MMRN1: variants seen among roughly 807,000 people sequenced by gnomAD.
MMRN1 encodes the protein multimerin-1.
In MMRN1, 94 loss-of-function variants were observed where a neutral mutation model predicts 100.7. The ratio of observed to expected loss-of-function variants is 0.93; its 90% CI spans 0.79 to 1.11. The LOEUF (loss-of-function observed/expected upper bound fraction) is 1.11, where lower values mean the gene tolerates loss of function less well. MMRN1 is among the 50% of genes least tolerant of loss of function. The pLI, the probability that MMRN1 is intolerant of heterozygous loss-of-function variation, is 0.00. For missense variants in MMRN1, 1,606 were observed against 1,439.1 expected, an observed-to-expected ratio of 1.12 and a Z score of -1.88; for synonymous variants, 575 against 505.0, an observed-to-expected ratio of 1.14 and a Z score of -1.86.
Position 89,936,072 on chromosome 4 carries a change from T to C in MMRN1, c.2392T>C (p.Phe798Leu). 1.2e-6 allele frequency: 2 copies of C among 1,611,852 alleles called. No homozygotes were observed. Among genetic ancestry groups the C allele is most frequent in the Non-Finnish European group, 1.7e-6 (2 of 1,179,306 alleles). Residue 798 changes from phenylalanine to leucine, a missense_variant, in exon 6 of 8, where the codon TTT becomes CTT. By Grantham distance (22) the Phe-to-Leu change is conservative. Transcript: ENST00000264790. Reference protein sequence around the residue: ...TLVNDNQRYNFVLQVAKTLAG... With the variant: ...TLVNDNQRYNLVLQVAKTLAG... ...GGTCAATGACAATCAGAGATATAACTTTGTTTTGCAAGTCGCCAAGACCCT... is the reference window on the plus strand; with the variant it reads ...GGTCAATGACAATCAGAGATATAACCTTGTTTTGCAAGTCGCCAAGACCCT...
At chr4:89,895,651 C>A in intron 1 of MMRN1, 57 bp downstream of exon 1, 1 of 1,491,972 alleles carries the variant, frequency 6.7e-7, no homozygotes, top group Non-Finnish European at 8.9e-7. Context: ...TAGAAGATTG[C>A]AAGTGAAATT....
Position 89,935,479 on chromosome 4 carries a change from G to A in MMRN1, c.1799G>A (p.Arg600Lys). The part of the protein sequence containing the change: ...GECEDMLSKC[R>K]NDFKFQLKDT... Reference sequence around the variant, plus strand: ...TGTGAAGACATGTTATCCAAATGCAGAAATGATTTTAAATTTCAACTTAAG... The same window carrying A: ...TGTGAAGACATGTTATCCAAATGCAAAAATGATTTTAAATTTCAACTTAAG... Residue 600 changes from arginine to lysine, a missense_variant, in exon 6 of 8, where the codon AGA becomes AAA. Arg to Lys is a conservative substitution (Grantham distance 26, BLOSUM62 2). Coordinates refer to ENST00000264790, the MANE Select transcript of MMRN1 (RefSeq NM_007351.3). The A allele has an allele frequency of 6.2e-7, 1 of 1,613,504 alleles. No individual in the cohort carries two copies.
intron 1 of MMRN1, among the ~76,000 whole-genome samples, chr4:89,901,773 C>A (rs1721395507): frequency 6.6e-6 from 1 of 152,002 alleles, no homozygotes; most frequent in South Asian, 2.1e-4. Flanking sequence ...GCTGTTTCTA[C>A]TCTGTTACTA....
At chr4:89,946,194 T>C (rs952363821) in intron 6 of MMRN1, among the ~76,000 whole-genome samples, 1 of 152,140 alleles carries the variant, frequency 6.6e-6, no homozygotes, top group African/African-American at 2.4e-5. Context: ...AGCATTGGAA[T>C]CAGGATGAAA....
intron 7 of MMRN1, among the ~76,000 whole-genome samples, chr4:89,952,526 A>C (rs550437400): frequency 4.6e-5 from 7 of 152,334 alleles, no homozygotes; most frequent in Non-Finnish European, 7.4e-5. Flanking sequence ...ACTTTGCTGC[A>C]GTGAATATGA....
intron 1 of MMRN1, among the ~76,000 whole-genome samples, chr4:89,899,649 C>T (rs762101810): frequency 2.6e-5 from 4 of 152,046 alleles, no homozygotes; most frequent in Non-Finnish European, 5.9e-5. Flanking sequence ...TTAGCTTTTC[C>T]CACAATTCCC....
In MMRN1 at chr4:89,909,315, A is replaced by C; in HGVS notation, c.663A>C (p.Thr221=). 6.2e-7 allele frequency: 1 copy of C among 1,609,896 alleles called. No individual in the cohort carries two copies. The highest frequency in any genetic ancestry group is 8.5e-7 in the Non-Finnish European group (1 of 1,177,282). The change falls in exon 2 of 8, where the codon ACA becomes ACC. Residue 221 remains threonine, a synonymous_variant. Transcript: ENST00000264790. ...ATGTACATACCAGGTTATCTCCCACAGTGATATTGGACAACCAGGTCACTT... is the reference window on the plus strand; with the variant it reads ...ATGTACATACCAGGTTATCTCCCACCGTGATATTGGACAACCAGGTCACTT... ...CAYVHTRLSP[T]VILDNQVTYV... is the part of the protein sequence containing the mutation.
At chr4:89,903,956 G>A (rs1183287319) in intron 1 of MMRN1, among the ~76,000 whole-genome samples, 1 of 143,294 alleles carries the variant, frequency 7.0e-6, no homozygotes, top group Non-Finnish European at 1.5e-5. Context: ...TCACACCTAT[G>A]TGTGCAGTTA....
chr4:89,924,709 T>C (rs2110616939), intron 4 of MMRN1, among the ~76,000 whole-genome samples: 1 of 151,908 alleles, frequency 6.6e-6, no homozygotes, highest in East Asian at 1.9e-4. Flanking sequence ...TCTAACGTGG[T>C]GGTGTGTGCC....
chr4:89,903,279 C>T (rs56146644), intron 1 of MMRN1, among the ~76,000 whole-genome samples: 27,142 of 151,234 alleles, frequency 0.18, 4,103 homozygotes, highest in African/African-American at 0.41. Flanking sequence ...ATAAAGATTT[C>T]AATAAATAGA....
Position 89,927,846 on chromosome 4 carries a change from C to T in MMRN1, c.1007C>T (p.Thr336Ile). Residue 336 changes from threonine to isoleucine, a missense_variant, in exon 5 of 8, where the codon ACT becomes ATT. Transcript: ENST00000264790. The stretch of plus-strand genomic sequence containing the variant: ...GTGAACTACCAGGCAATGAAACTGA[C>T]TCTTCTGCAGAAGAAGATTGACAAT... ...DQVNYQAMKL[T>I]LLQKKIDNIS... 1 of 1,612,404 alleles carries T rather than the reference C, an allele frequency of 6.2e-7. No individual in the cohort carries two copies. Among genetic ancestry groups the T allele is most frequent in the East Asian group, 2.2e-5 (1 of 44,712 alleles).
chr4:89,943,994 AT>A (rs1236502703), intron 6 of MMRN1, among the ~76,000 whole-genome samples: 1 of 151,994 alleles, frequency 6.6e-6, no homozygotes, highest in Non-Finnish European at 1.5e-5. Flanking sequence ...AAAAAAAAAA[AT>A]GATAGTGAAA....
chr4:89,942,226 C>T (rs866136277), intron 6 of MMRN1, among the ~76,000 whole-genome samples: 34 of 152,180 alleles, frequency 2.2e-4, no homozygotes, highest in South Asian at 1.0e-3. Context: ...CAACAATAGA[C>T]GATTTCTTTG....
upstream of MMRN1, among the ~76,000 whole-genome samples, chr4:89,892,276 A>G (rs1259364043): frequency 6.6e-6 from 1 of 151,754 alleles, no homozygotes; most frequent in Non-Finnish European, 1.5e-5. Flanking sequence ...ATAATTTAAT[A>G]TGAACAACCA....
At chr4:89,948,680 TC>T (rs748578926) in intron 6 of MMRN1, among the ~76,000 whole-genome samples, 14 of 152,190 alleles carry the variant, frequency 9.2e-5, no homozygotes, top group South Asian at 6.2e-4. Context: ...GTACAATATG[TC>T]CAGTTCTGGG....
In MMRN1 at chr4:89,936,001, C is replaced by T; in HGVS notation, c.2321C>T (p.Thr774Ile). 1 of 1,613,116 alleles carries T rather than the reference C, an allele frequency of 6.2e-7. No individual in the cohort carries two copies. Among genetic ancestry groups the T allele is most frequent in the Non-Finnish European group, 8.5e-7 (1 of 1,179,476 alleles). Reference protein sequence around the residue: ...KCTSDMETILTFIPQFHRLND... With the variant: ...KCTSDMETILIFIPQFHRLND... ...ACCTCCGATATGGAAACTATTTTGA[C>T]ATTTATTCCTCAGTTCCACCGTCTG... Residue 774 changes from threonine (T) to isoleucine (I), a missense_variant, in exon 6 of 8, where the codon ACA becomes ATA. Coordinates refer to ENST00000264790, the MANE Select transcript of MMRN1 (RefSeq NM_007351.3).
upstream of MMRN1, among the ~76,000 whole-genome samples, chr4:89,893,950 C>T (rs189557284): frequency 2.0e-5 from 3 of 152,058 alleles, no homozygotes; most frequent in African/African-American, 7.2e-5. Flanking sequence ...AACATCTCTA[C>T]CAGAAAAAAA....
chr4:89,950,709 T>C (rs1285902670), intron 6 of MMRN1, among the ~76,000 whole-genome samples: 1 of 152,004 alleles, frequency 6.6e-6, no homozygotes. Context: ...AAGACCATTT[T>C]CTTATTTTTA....
chr4:89,938,900 C>A (rs2110640582), intron 6 of MMRN1, among the ~76,000 whole-genome samples: 1 of 151,974 alleles, frequency 6.6e-6, no homozygotes, highest in South Asian at 2.1e-4. Context: ...ACCTAATTCC[C>A]ACGTGCAAGG....
Sources: allele counts gnomAD v4.1 joint callset (sites outside exome capture counted in the v4.1 genomes callset), GRCh38; gene constraint gnomAD v4.1.1; transcripts MANE v1.5; gene names NCBI Gene and HGNC (gene_info 2026-07-23, HGNC 2026-07-21).